Variants in CHN1 observed in about 807,000 individuals in gnomAD.
CHN1 encodes chimerin 1.
CHN1 carries 37 observed loss-of-function variants against 59.5 expected under a neutral mutation model. The observed-to-expected ratio is 0.62, with a 90% CI of 0.48 to 0.82. CHN1 has a LOEUF of 0.82. Among genes scored for constraint, CHN1 ranks in the 40% least tolerant of loss-of-function variants. CHN1 has a pLI of 0.00. For synonymous variants in CHN1, 206 were observed against 200.4 expected (o/e 1.03, Z -0.24); for missense variants, 469 against 571.0 (o/e 0.82, Z 1.82).
intron 6 of CHN1, among the ~76,000 whole-genome samples, chr2:174,856,693 G>A (rs748194120): frequency 1.3e-5 from 2 of 152,118 alleles, no homozygotes; most frequent in African/African-American, 2.4e-5. Context: ...ACTGCTATTC[G>A]ACAAGCCACT....
chr2:174,984,998 G>C (rs1043175673), intron 1 of CHN1, among the ~76,000 whole-genome samples: 5 of 152,100 alleles, frequency 3.3e-5, no homozygotes, highest in Non-Finnish European at 5.9e-5. Context: ...TTAGATTTTT[G>C]CAAGTCTTAG....
At chr2:174,992,227 T>C (rs570231887) in intron 1 of CHN1, among the ~76,000 whole-genome samples, 1 of 152,242 alleles carries the variant, frequency 6.6e-6, no homozygotes, top group African/African-American at 2.4e-5. Context: ...ACACAAAGAA[T>C]GTGGGGCTGG....
At chr2:174,936,844 C>G (rs549147040) in intron 3 of CHN1, among the ~76,000 whole-genome samples, 1 of 152,168 alleles carries the variant, frequency 6.6e-6, no homozygotes, top group Admixed American at 6.5e-5. Flanking sequence ...AATTTTCAAG[C>G]TTTTAAGTAT....
intron 3 of CHN1, among the ~76,000 whole-genome samples, chr2:174,941,165 C>T (rs1039645771): frequency 6.6e-6 from 1 of 152,086 alleles, no homozygotes; most frequent in Non-Finnish European, 1.5e-5. Flanking sequence ...GGCTCCTGTG[C>T]CTTTTTGACA....
At position 175,005,233 on chromosome 2, in the gene CHN1, G is replaced by C. The variant is rs1184017543; in HGVS notation, c.-321C>G. 1 of 1,186,836 alleles carries C rather than the reference G, an allele frequency of 8.4e-7. No individual in the cohort carries two copies. The highest frequency in any genetic ancestry group is 4.7e-5 in the East Asian group (1 of 21,478). The allele number at this position is 1,186,836 out of a possible 1,614,324, so 73.5% of individuals were successfully genotyped here. A position where few individuals can be genotyped will look rare whatever the true frequency, so the allele number is the denominator to read the frequency against. The stretch of plus-strand genomic sequence containing the variant: ...GCGAGGCAGGAGGCTTGGCCGCGGC[G>C]CAGTGGCTGGCGGAGAGGCGGCGCC... On this transcript the variant is annotated 5_prime_UTR_variant, in exon 1 of 13. Transcript: ENST00000409900.
intron 6 of CHN1, among the ~76,000 whole-genome samples, 179 bp downstream of exon 6, chr2:174,877,661 T>C (rs1687609615): frequency 6.6e-6 from 1 of 152,100 alleles, no homozygotes; most frequent in Non-Finnish European, 1.5e-5. Flanking sequence ...TTACCTAACA[T>C]ATTTTAATAG....
intron 5 of CHN1, among the ~76,000 whole-genome samples, chr2:174,892,529 T>C (rs558953218): frequency 1.3e-5 from 2 of 152,288 alleles, no homozygotes; most frequent in South Asian, 2.1e-4. Flanking sequence ...TAAACATCAA[T>C]TGTCTATATA....
At chr2:174,975,329 T>C (rs1444144362) in intron 1 of CHN1, among the ~76,000 whole-genome samples, 1 of 152,188 alleles carries the variant, frequency 6.6e-6, no homozygotes, top group Non-Finnish European at 1.5e-5. Context: ...ACTAAAACAT[T>C]GAAAGAATAG....
intron 4 of CHN1, among the ~76,000 whole-genome samples, chr2:174,915,457 C>G (rs918430643): frequency 6.6e-6 from 1 of 151,010 alleles, no homozygotes; most frequent in African/African-American, 2.4e-5. Flanking sequence ...CCACCTCTCT[C>G]AAGAGGACAA....
intron 4 of CHN1, among the ~76,000 whole-genome samples, chr2:174,915,895 A>G (rs1318323027): frequency 6.6e-6 from 1 of 152,222 alleles, no homozygotes. Flanking sequence ...TTTTATAGCG[A>G]TTTACAATTT....
At chr2:174,841,955 A>G (rs1340121048) in intron 7 of CHN1, among the ~76,000 whole-genome samples, 1 of 152,242 alleles carries the variant, frequency 6.6e-6, no homozygotes, top group Admixed American at 6.5e-5. Context: ...AGTCAATATC[A>G]GATAACATGA....
At chr2:174,856,099 G>A (rs1423754423) in intron 6 of CHN1, among the ~76,000 whole-genome samples, 2 of 151,892 alleles carry the variant, frequency 1.3e-5, no homozygotes, top group Non-Finnish European at 2.9e-5. Flanking sequence ...ATTTGAATCT[G>A]GTGACTACCA....
intron 6 of CHN1, among the ~76,000 whole-genome samples, chr2:174,849,151 A>T (rs540020174): frequency 6.6e-6 from 1 of 152,288 alleles, no homozygotes; most frequent in African/African-American, 2.4e-5. Context: ...TTTCTTGAGT[A>T]TTTTTGATCA....
chr2:174,953,372 C>T (rs1379725272), intron 1 of CHN1, among the ~76,000 whole-genome samples: 3 of 152,150 alleles, frequency 2.0e-5, no homozygotes, highest in Admixed American at 6.6e-5. Flanking sequence ...GGCATAAGAA[C>T]ATAACATGGA....
chr2:174,865,970 C>T (rs1687205039), intron 6 of CHN1, among the ~76,000 whole-genome samples: 1 of 152,096 alleles, frequency 6.6e-6, no homozygotes, highest in Non-Finnish European at 1.5e-5. Context: ...ATGCTCAAAG[C>T]AAAAATCATT....
chr2:174,877,975 C>A lies in CHN1; in HGVS notation c.414G>T (p.Thr138=). Residue 138 remains threonine, a synonymous_variant, in exon 6 of 13, where the codon ACG becomes ACT. Coordinates refer to ENST00000409900, the MANE Select transcript of CHN1 (RefSeq NM_001822.7). ...CTACGTGCTCATAAATTGGGTTTAT[C>A]GTCATCTTGGCAATGTATTCTGCTG... The part of the protein sequence containing the change: ...TKAAEYIAKM[T]INPIYEHVGY... 1 of 1,613,728 alleles carries A rather than the reference C, an allele frequency of 6.2e-7. No individual in the cohort carries two copies. Among genetic ancestry groups the A allele is most frequent in the Non-Finnish European group, 8.5e-7 (1 of 1,179,836 alleles).
intron 1 of CHN1, among the ~76,000 whole-genome samples, chr2:174,977,031 C>T (rs1274597526): frequency 6.6e-6 from 1 of 152,182 alleles, no homozygotes; most frequent in African/African-American, 2.4e-5. Context: ...CTCCTTCTGT[C>T]CTTAGACACA....
intron 7 of CHN1, among the ~76,000 whole-genome samples, chr2:174,843,997 A>G (rs1472943741): frequency 1.3e-5 from 2 of 149,690 alleles, no homozygotes; most frequent in Admixed American, 1.3e-4. Flanking sequence ...TGTGTGTTGT[A>G]TGTTGTATTA....
chr2:174,822,866 C>T (rs1685547499), intron 8 of CHN1, among the ~76,000 whole-genome samples: 1 of 152,236 alleles, frequency 6.6e-6, no homozygotes, highest in South Asian at 2.1e-4. Context: ...AGCTGAGGCG[C>T]TCCCTGACGA....
Sources: gnomAD v4.1 joint callset for allele counts (sites outside exome capture counted in the v4.1 genomes callset) on GRCh38, gnomAD v4.1.1 for gene constraint, MANE v1.5 for transcripts, NCBI Gene and HGNC (gene_info 2026-07-23, HGNC 2026-07-21) for gene names.